CTNND2: variants seen among roughly 807,000 people sequenced by gnomAD.
CTNND2 encodes the protein catenin delta 2.
CTNND2 carries 22 observed loss-of-function variants against 144.4 expected under a neutral mutation model. That is an observed-to-expected ratio of 0.15 (90% confidence interval 0.11 to 0.22). CTNND2 has a LOEUF of 0.22. Among genes scored for constraint, CTNND2 ranks in the 10% least tolerant of loss-of-function variants. The pLI, the probability that CTNND2 is intolerant of heterozygous loss-of-function variation, is 1.00. For synonymous variants in CTNND2, 751 were observed against 695.6 expected (o/e 1.08, Z -1.25); for missense variants, 1,353 against 1,618.8 (o/e 0.84, Z 2.82).
intron 3 of CTNND2, among the ~76,000 whole-genome samples, chr5:11,530,920 C>T (rs1033066910): frequency 6.6e-5 from 10 of 151,996 alleles, no homozygotes; most frequent in African/African-American, 2.4e-4. Flanking sequence ...CTTACAAACG[C>T]ACACAAAAAG....
At chr5:11,446,357 G>A (rs747707240) in intron 3 of CTNND2, among the ~76,000 whole-genome samples, 5 of 152,246 alleles carry the variant, frequency 3.3e-5, no homozygotes, top group African/African-American at 4.8e-5. Flanking sequence ...TCTTCTCCTC[G>A]GTTCATGGGA....
At chr5:11,612,705 G>C (rs186752722) in intron 2 of CTNND2, among the ~76,000 whole-genome samples, 46 of 152,118 alleles carry the variant, frequency 3.0e-4, no homozygotes, top group African/African-American at 1.1e-3. Context: ...TTTGAGACCG[G>C]CCTGGGCAAC....
At chr5:11,863,861 C>T (rs183687717) in intron 1 of CTNND2, among the ~76,000 whole-genome samples, 3 of 152,316 alleles carry the variant, frequency 2.0e-5, no homozygotes, top group African/African-American at 4.8e-5. Context: ...CTACAATTAT[C>T]TTCAACGTTC....
At chr5:11,451,903 T>A (rs765738512) in intron 3 of CTNND2, among the ~76,000 whole-genome samples, 3 of 152,212 alleles carry the variant, frequency 2.0e-5, no homozygotes, top group Non-Finnish European at 4.4e-5. Context: ...GCATCATCCT[T>A]TACTTGTTTA....
intron 2 of CTNND2, among the ~76,000 whole-genome samples, chr5:11,584,821 T>G (rs548170201): frequency 6.6e-6 from 1 of 152,218 alleles, no homozygotes; most frequent in African/African-American, 2.4e-5. Flanking sequence ...TTTGTTTTTT[T>G]GAGCAGAACT....
chr5:11,173,936 G>A (rs907494927), intron 11 of CTNND2, among the ~76,000 whole-genome samples: 9 of 152,156 alleles, frequency 5.9e-5, no homozygotes, highest in East Asian at 3.9e-4. Context: ...GCTGAAGTGC[G>A]GTGAAAAGAA....
intron 1 of CTNND2, among the ~76,000 whole-genome samples, chr5:11,869,502 T>C (rs373749730): frequency 5.3e-5 from 8 of 152,324 alleles, no homozygotes; most frequent in Admixed American, 2.0e-4. Context: ...TGATTCCACC[T>C]ATATGAAGTA....
chr5:11,656,813 A>G (rs1782939440), intron 2 of CTNND2, among the ~76,000 whole-genome samples: 2 of 152,154 alleles, frequency 1.3e-5, no homozygotes, highest in South Asian at 4.1e-4. Flanking sequence ...CTTCAATTTT[A>G]ATGGTTCTGA....
chr5:11,309,156 C>A (rs1027504653), intron 9 of CTNND2, among the ~76,000 whole-genome samples: 12 of 152,170 alleles, frequency 7.9e-5, no homozygotes, highest in Admixed American at 6.5e-4. Context: ...GCACAGAGTT[C>A]TCAATGGGGC....
chr5:11,007,388 A>C (rs1358207066), intron 18 of CTNND2, among the ~76,000 whole-genome samples: 1 of 152,232 alleles, frequency 6.6e-6, no homozygotes, highest in East Asian at 1.9e-4. Flanking sequence ...GGACGGCATG[A>C]ACAGCTCTCT....
At chr5:11,620,763 T>C (rs1780792708) in intron 2 of CTNND2, among the ~76,000 whole-genome samples, 2 of 152,192 alleles carry the variant, frequency 1.3e-5, no homozygotes, top group South Asian at 4.1e-4. Context: ...TGTGACATCC[T>C]GGGCTCTTTA....
chr5:11,040,679 G>C (rs1744607686), intron 16 of CTNND2, among the ~76,000 whole-genome samples: 1 of 152,128 alleles, frequency 6.6e-6, no homozygotes, highest in Non-Finnish European at 1.5e-5. Flanking sequence ...ATTAACAAGA[G>C]ATTTGCTGAA....
intron 16 of CTNND2, among the ~76,000 whole-genome samples, chr5:11,046,782 A>C (rs1198862861): frequency 6.6e-6 from 1 of 152,236 alleles, no homozygotes; most frequent in African/African-American, 2.4e-5. Context: ...GGCTGCCATC[A>C]TCACTGTCAC....
chr5:11,304,205 T>C (rs1014620704), intron 9 of CTNND2, among the ~76,000 whole-genome samples: 4 of 152,298 alleles, frequency 2.6e-5, no homozygotes, highest in Middle Eastern at 3.4e-3. Context: ...ATCTGACTTA[T>C]TGGTTGTTGA....
At chr5:11,417,451 C>T (rs1223109025) in intron 3 of CTNND2, among the ~76,000 whole-genome samples, 1 of 152,048 alleles carries the variant, frequency 6.6e-6, no homozygotes, top group Non-Finnish European at 1.5e-5. Context: ...ATACAATGAA[C>T]TCCAATGAAT....
At chr5:11,441,008 C>A (rs1388898321) in intron 3 of CTNND2, among the ~76,000 whole-genome samples, 1 of 152,062 alleles carries the variant, frequency 6.6e-6, no homozygotes, top group Non-Finnish European at 1.5e-5. Flanking sequence ...TGCAGAAAGA[C>A]AGAGTTTTGG....
intron 1 of CTNND2, among the ~76,000 whole-genome samples, chr5:11,870,874 A>C (rs971917055): frequency 7.9e-5 from 12 of 152,224 alleles, no homozygotes; most frequent in Non-Finnish European, 1.6e-4. Flanking sequence ...TTTATGGAAA[A>C]CTAACCTTTG....
At chr5:11,181,750 ATGTGTGTATGTGTG>A (rs1381120462) in intron 11 of CTNND2, among the ~76,000 whole-genome samples, 3 of 77,382 alleles carry the variant, frequency 3.9e-5, no homozygotes, top group Non-Finnish European at 5.5e-5. Context: ...GTGTGTGTGG[ATGTGTGTATGTGTG>A]TGTGTGTGTG....
chr5:11,726,026 T>C (rs1366620871), intron 2 of CTNND2, among the ~76,000 whole-genome samples: 3 of 152,190 alleles, frequency 2.0e-5, no homozygotes, highest in Admixed American at 2.0e-4. Context: ...TTTGTTGGCC[T>C]GCCAGTGGCC....
Sources: allele counts gnomAD v4.1 joint callset (sites outside exome capture counted in the v4.1 genomes callset), GRCh38; gene constraint gnomAD v4.1.1; transcripts MANE v1.5; gene names NCBI Gene and HGNC (gene_info 2026-07-23, HGNC 2026-07-21).